The following SMYD3 variants were observed in gnomAD, a reference collection of about 807,000 sequenced individuals.
The protein encoded by SMYD3 is SET and MYND domain containing 3.
In SMYD3, 36 loss-of-function variants were observed where a neutral mutation model predicts 57.7. That is an observed-to-expected ratio of 0.62 (90% confidence interval 0.48 to 0.82). The LOEUF (loss-of-function observed/expected upper bound fraction) is 0.82, where lower values mean the gene tolerates loss of function less well. SMYD3 is among the 40% of genes least tolerant of loss of function. SMYD3 has a pLI of 0.00. For synonymous variants in SMYD3, 211 were observed against 195.0 expected (o/e 1.08, Z -0.68); for missense variants, 515 against 538.8 (o/e 0.96, Z 0.44).
Position 245,790,050 on chromosome 1 carries a change from T to A in SMYD3, c.1077-25901A>T, listed in dbSNP as rs543470570. ...GGTTCCTGTCCTCATGGATCTTACA[T>A]CACTGTGGAAGGGCCAGATACTGGA... On this transcript the variant is annotated intron_variant, in intron 10 of 11. Transcript: ENST00000490107. Among the ~76,000 whole-genome samples the A allele has an allele frequency of 6.6e-5, 10 of 152,294 alleles. No individual in the cohort carries two copies. In the East Asian group the frequency reaches 1.7e-3, roughly 26 times the overall value.
intron 5 of SMYD3, among the ~76,000 whole-genome samples, chr1:246,007,766 G>A (rs868759354): frequency 5.3e-5 from 8 of 151,430 alleles, no homozygotes; most frequent in South Asian, 2.1e-4. Flanking sequence ...GCAGTAAGCC[G>A]TGATCACACC....
intron 10 of SMYD3, 127 bp from the exon 11 acceptor site, chr1:245,764,276 A>G: frequency 1.5e-6 from 1 of 656,750 alleles, no homozygotes; most frequent in Non-Finnish European, 2.7e-6. Flanking sequence ...AAAGGAAATC[A>G]GCTTTGCAAT....
rs951669114 is a variant in SMYD3, at chr1:246,350,522, C to T, written c.228+4509G>A. 1.6e-4 allele frequency among the ~76,000 whole-genome samples: 24 copies of T among 152,136 alleles called. 1 individual carries two copies. Among genetic ancestry groups the T allele is most frequent in the Admixed American group, 1.6e-3 (24 of 15,276 alleles). Reference sequence around the variant, plus strand: ...TAGTAAAATCAGCACGACATGATGACTAAATGGATCTGTCGCCAAGAAAGG... The same window carrying T: ...TAGTAAAATCAGCACGACATGATGATTAAATGGATCTGTCGCCAAGAAAGG... On this transcript the variant is annotated intron_variant, in intron 2 of 11. Coordinates refer to ENST00000490107, the MANE Select transcript of SMYD3 (RefSeq NM_001167740.2).
intron 5 of SMYD3, among the ~76,000 whole-genome samples, chr1:245,981,375 C>A (rs527805153): frequency 3.9e-5 from 6 of 152,206 alleles, no homozygotes; most frequent in African/African-American, 1.4e-4. Flanking sequence ...CTGGGCTGCA[C>A]AGACAACCAG....
In SMYD3 at chr1:246,067,857, C is replaced by T. The variant is rs527582361; in HGVS notation, c.532-137920G>A. 7.9e-5 allele frequency among the ~76,000 whole-genome samples: 12 copies of T among 152,216 alleles called. No homozygotes were observed. The East Asian group carries it at 1.2e-3, about 15-fold the overall frequency. ...ACCAAGGCCGGGAGAGGCTGAGGTC[C>T]GTCAGCATCATGTGGCAGGAAAACC... On this transcript the variant is annotated intron_variant, in intron 5 of 11. Transcript: ENST00000490107.
chr1:246,161,653 G>A (rs897755132), intron 5 of SMYD3, among the ~76,000 whole-genome samples: 5 of 152,214 alleles, frequency 3.3e-5, no homozygotes, highest in African/African-American at 1.2e-4. Flanking sequence ...CAAAGTGGTG[G>A]TTTGATCATT....
At chr1:246,116,154 GA>G (rs1050642988) in intron 5 of SMYD3, among the ~76,000 whole-genome samples, 1 of 149,042 alleles carries the variant, frequency 6.7e-6, no homozygotes, top group Non-Finnish European at 1.5e-5. Flanking sequence ...AAGAAAAAAA[GA>G]AAAAAAGAAT....
At chr1:245,763,862 G>A (rs1435852889) in intron 11 of SMYD3, among the ~76,000 whole-genome samples, 179 bp downstream of exon 11, 2 of 152,112 alleles carry the variant, frequency 1.3e-5, no homozygotes, top group Non-Finnish European at 2.9e-5. Flanking sequence ...ACAGAAATAG[G>A]CAAATGTCAT....
At chr1:246,463,675 A>C (rs1428652357) in intron 1 of SMYD3, among the ~76,000 whole-genome samples, 1 of 149,120 alleles carries the variant, frequency 6.7e-6, no homozygotes, top group Non-Finnish European at 1.5e-5. Context: ...AAAAAAAAAA[A>C]AAAAAAAAAC....
intron 5 of SMYD3, among the ~76,000 whole-genome samples, chr1:245,943,994 A>G (rs940224137): frequency 1.3e-5 from 2 of 152,154 alleles, no homozygotes; most frequent in African/African-American, 4.8e-5. Context: ...ACTCAAAAAT[A>G]TTAAGAGCCA....
At chr1:246,238,629 C>G (rs1230134095) in intron 5 of SMYD3, among the ~76,000 whole-genome samples, 1 of 152,144 alleles carries the variant, frequency 6.6e-6, no homozygotes, top group Non-Finnish European at 1.5e-5. Context: ...AAGAGTCAAG[C>G]AGATTTCATT....
intron 5 of SMYD3, among the ~76,000 whole-genome samples, chr1:245,993,555 C>T (rs2058850484): frequency 7.7e-6 from 1 of 130,442 alleles, no homozygotes; most frequent in Admixed American, 8.4e-5. Context: ...GGCAACATAG[C>T]AAGACGTTGT....
chr1:246,394,937 G>A (rs10924717), intron 1 of SMYD3, among the ~76,000 whole-genome samples: 8,335 of 150,892 alleles, frequency 0.055, 392 homozygotes, highest in African/African-American at 0.12. Flanking sequence ...CCCGAACTTA[G>A]CTACACTTTA....
chr1:246,222,181 C>G (rs1361769915), intron 5 of SMYD3, among the ~76,000 whole-genome samples: 1 of 152,062 alleles, frequency 6.6e-6, no homozygotes, highest in African/African-American at 2.4e-5. Context: ...TATAAAGTGC[C>G]AGTGAATTAA....
chr1:246,116,069 G>A (rs2061337327), intron 5 of SMYD3, among the ~76,000 whole-genome samples: 2 of 152,078 alleles, frequency 1.3e-5, no homozygotes, highest in African/African-American at 2.4e-5. Flanking sequence ...GAACCTGGGA[G>A]GCAGAGGTTG....
intron 5 of SMYD3, among the ~76,000 whole-genome samples, chr1:246,249,191 C>T (rs991595119): frequency 6.6e-5 from 10 of 151,260 alleles, no homozygotes; most frequent in African/African-American, 2.5e-4. Context: ...TGGCTCATTG[C>T]CTCCCAGGTT....
chr1:246,215,429 C>T (rs548357616), intron 5 of SMYD3, among the ~76,000 whole-genome samples: 1 of 152,020 alleles, frequency 6.6e-6, no homozygotes, highest in African/African-American at 2.4e-5. Flanking sequence ...TCTTACTTGG[C>T]GCTCATTACT....
At chr1:245,947,817 G>A (rs767004630) in intron 5 of SMYD3, among the ~76,000 whole-genome samples, 59 of 152,164 alleles carry the variant, frequency 3.9e-4, no homozygotes, top group Non-Finnish European at 1.8e-4. Flanking sequence ...GTCAGCCTGT[G>A]TATTATAAAT....
intron 10 of SMYD3, among the ~76,000 whole-genome samples, chr1:245,846,838 G>A (rs955741842): frequency 3.3e-5 from 5 of 152,226 alleles, no homozygotes; most frequent in East Asian, 3.8e-4. Context: ...TTTATCTCAC[G>A]TTGGGAGGAC....
Sources: allele counts gnomAD v4.1 joint callset (sites outside exome capture counted in the v4.1 genomes callset), GRCh38; gene constraint gnomAD v4.1.1; transcripts MANE v1.5; gene names NCBI Gene and HGNC (gene_info 2026-07-23, HGNC 2026-07-21).